The following GALNT10 variants were observed in gnomAD, a reference collection of about 807,000 sequenced individuals.
GALNT10 encodes the protein polypeptide N-acetylgalactosaminyltransferase 10.
A neutral mutation model predicts 75.0 loss-of-function variants in GALNT10; 41 were observed. The ratio of observed to expected loss-of-function variants is 0.55; its 90% confidence interval spans 0.43 to 0.71. The LOEUF (loss-of-function observed/expected upper bound fraction) is 0.71, where lower values mean the gene tolerates loss of function less well. Ranked by LOEUF, GALNT10 falls within the 30% of genes least tolerant of loss-of-function variation. The pLI, the probability that GALNT10 is intolerant of heterozygous loss-of-function variation, is 0.00. For synonymous variants in GALNT10, 302 were observed against 313.0 expected (o/e 0.96, Z 0.37); for missense variants, 727 against 818.5 (o/e 0.89, Z 1.36).
chr5:154,283,270 C>T (rs1754065448), intron 1 of GALNT10, among the ~76,000 whole-genome samples: 1 of 129,576 alleles, frequency 7.7e-6, no homozygotes, highest in African/African-American at 3.0e-5. Flanking sequence ...ATAATAAGAC[C>T]TCGTCTGTAA....
At position 154,416,774 on chromosome 5, in the gene GALNT10, T is replaced by A. The variant is rs1009193583; in HGVS notation, c.1654-40T>A. On this transcript the variant is annotated intron_variant, in intron 11 of 11. Coordinates refer to ENST00000297107, the MANE Select transcript of GALNT10 (RefSeq NM_198321.4). This position sits in a 1 kb window ranked among gnomAD's most constrained non-coding sequence, Gnocchi z 4.5. ...TTGCTGTGGTTTGACTGGCCACATG[T>A]CTCCAGTGCTGTCTGGCTTATTACC... 6.7e-7 allele frequency: 1 copy of A among 1,498,710 alleles called. No homozygotes were observed. The highest frequency in any genetic ancestry group is 9.3e-7 in the Non-Finnish European group (1 of 1,076,802). The allele number at this position is 1,498,710 out of a possible 1,614,324, so 92.8% of individuals were successfully genotyped here.
At chr5:154,313,145 C>T (rs781649545) in intron 3 of GALNT10, among the ~76,000 whole-genome samples, 19 of 151,908 alleles carry the variant, frequency 1.3e-4, no homozygotes, top group African/African-American at 4.1e-4. Context: ...CACATCTCTA[C>T]GAAAAATACA....
chr5:154,293,613 A>ATATTTTTTTTTTTTTTTTTTTTTTT, intron 1 of GALNT10, among the ~76,000 whole-genome samples: 1 of 109,360 alleles, frequency 9.1e-6, no homozygotes, highest in African/African-American at 4.2e-5. Flanking sequence ...ATATATATAT[A>ATATTTTTTTTTTTTTTTTTTTTTTT]TTTTTTTTTT....
intron 7 of GALNT10, among the ~76,000 whole-genome samples, chr5:154,394,795 T>G (rs746049408): frequency 2.6e-5 from 4 of 152,244 alleles, no homozygotes; most frequent in Non-Finnish European, 5.9e-5. Flanking sequence ...ACCCTCTGCC[T>G]CGGACAGCTG....
chr5:154,279,297 TTG>T (rs1491017276), intron 1 of GALNT10, among the ~76,000 whole-genome samples: 1 of 64,958 alleles, frequency 1.5e-5, no homozygotes, highest in Non-Finnish European at 3.8e-5. Context: ...GTTGTTGTTG[TTG>T]TTTTGTTTTT....
At chr5:154,246,569 G>A (rs2113671466) in intron 1 of GALNT10, among the ~76,000 whole-genome samples, 1 of 152,322 alleles carries the variant, frequency 6.6e-6, no homozygotes, top group African/African-American at 2.4e-5. Flanking sequence ...GTGATGATGA[G>A]CATTTTTTAA....
chr5:154,215,513 AG>A (rs1174266852), intron 1 of GALNT10, among the ~76,000 whole-genome samples: 12 of 152,228 alleles, frequency 7.9e-5, no homozygotes, highest in African/African-American at 2.9e-4. Context: ...AAAACAAAAA[AG>A]GTGTTATCTA....
chr5:154,203,504 C>T (rs1420178709), intron 1 of GALNT10, among the ~76,000 whole-genome samples: 1 of 152,168 alleles, frequency 6.6e-6, no homozygotes, highest in East Asian at 1.9e-4. Context: ...TCTGCCATGG[C>T]TCAGGGGTGA....
chr5:154,250,162 G>A lies in GALNT10; in HGVS notation c.160-44654G>A, dbSNP rs144669028. ...AAGTGGTAAACTTAAACTGGCTGCT[G>A]CAGCCCCCTATGTGTTTCTGTGGAA... On this transcript the variant is annotated intron_variant, in intron 1 of 11. Transcript: ENST00000297107. Among the ~76,000 whole-genome samples the A allele has an allele frequency of 5.5e-3, 843 of 152,312 alleles. 5 individuals carry two copies. The highest frequency in any genetic ancestry group is 0.02 in the African/African-American group (819 of 41,566).
rs1395963489 is a variant in GALNT10, at chr5:154,329,658, G to T, written c.488G>T (p.Arg163Leu). 1.2e-6 allele frequency: 2 copies of T among 1,612,822 alleles called. No homozygotes were observed. Among genetic ancestry groups the T allele is most frequent in the Admixed American group, 1.7e-5 (1 of 60,004 alleles). ...FHNEGWSSLL[R>L]TVHSVLNRSP... Reference sequence around the variant, plus strand: ...AACGAGGGCTGGTCCTCCCTCCTCCGCACCGTCCACAGTGTGCTCAATCGC... The same window carrying T: ...AACGAGGGCTGGTCCTCCCTCCTCCTCACCGTCCACAGTGTGCTCAATCGC... Residue 163 changes from arginine (R) to leucine (L), a missense_variant, in exon 4 of 12, where the codon CGC becomes CTC. Physicochemically the swap from Arg to Leu is moderately radical, Grantham distance 102. Coordinates refer to ENST00000297107, the MANE Select transcript of GALNT10 (RefSeq NM_198321.4).
chr5:154,240,766 C>G (rs1377502472), intron 1 of GALNT10, among the ~76,000 whole-genome samples: 2 of 152,108 alleles, frequency 1.3e-5, no homozygotes, highest in African/African-American at 4.8e-5. Flanking sequence ...AAATTCAAGG[C>G]CAGGTACACA....
At chr5:154,404,265 C>T in intron 8 of GALNT10, 54 bp downstream of exon 8, 3 of 1,085,434 alleles carry the variant, frequency 2.8e-6, no homozygotes, top group South Asian at 1.6e-5. Context: ...GGACCATCAG[C>T]TGCACTGAGG....
intron 7 of GALNT10, chr5:154,393,067 A>AAAACACAC (rs70978538): frequency 4.3e-5 from 5 of 116,558 alleles, no homozygotes. Flanking sequence ...CAAAAAAAAA[A>AAAACACAC]AAAAAAAAAA....
intron 1 of GALNT10, among the ~76,000 whole-genome samples, chr5:154,239,075 C>A (rs1402016272): frequency 6.6e-6 from 1 of 152,230 alleles, no homozygotes; most frequent in Non-Finnish European, 1.5e-5. Flanking sequence ...CTCTTTACCT[C>A]ACCATTCAGT....
At chr5:154,390,909 C>T (rs1016219429) in intron 7 of GALNT10, among the ~76,000 whole-genome samples, 4 of 152,172 alleles carry the variant, frequency 2.6e-5, no homozygotes, top group Non-Finnish European at 2.9e-5. Context: ...GTATCTCATC[C>T]GGGAGGGGGA....
chr5:154,271,878 G>C lies in GALNT10; in HGVS notation c.160-22938G>C, dbSNP rs142295422. Among the ~76,000 whole-genome samples, 259 of 152,338 alleles carry C rather than the reference G, an allele frequency of 1.7e-3. 1 individual carries two copies. The highest frequency in any genetic ancestry group is 3.4e-3 in the Middle Eastern group (1 of 294). On this transcript the variant is annotated intron_variant, in intron 1 of 11. Transcript: ENST00000297107. Reference sequence around the variant, plus strand: ...GCTTTCCTCCCTACCTCCAGCTGCTGCTCTGCCTCCTTCCTGCATAATTTT... The same window carrying C: ...GCTTTCCTCCCTACCTCCAGCTGCTCCTCTGCCTCCTTCCTGCATAATTTT...
intron 1 of GALNT10, among the ~76,000 whole-genome samples, chr5:154,285,913 A>G (rs749438538): frequency 3.3e-5 from 5 of 152,178 alleles, no homozygotes; most frequent in East Asian, 1.9e-4. Context: ...AGGCCCTCCT[A>G]TGATTCATGT....
At chr5:154,343,531 C>T (rs929509315) in intron 4 of GALNT10, among the ~76,000 whole-genome samples, 1 of 152,158 alleles carries the variant, frequency 6.6e-6, no homozygotes, top group African/African-American at 2.4e-5. Flanking sequence ...CTCTAAATTA[C>T]CATAATCACC....
At chr5:154,197,906 C>T (rs915059328) in intron 1 of GALNT10, among the ~76,000 whole-genome samples, 1 of 152,144 alleles carries the variant, frequency 6.6e-6, no homozygotes, top group African/African-American at 2.4e-5. Flanking sequence ...GAACTCTGAC[C>T]TAGTGCTGAG....
Sources: gnomAD v4.1 joint callset for allele counts (sites outside exome capture counted in the v4.1 genomes callset) on GRCh38, gnomAD v4.1.1 for gene constraint, Gnocchi (gnomAD v3.1) non-coding constraint, MANE v1.5 for transcripts, NCBI Gene and HGNC (gene_info 2026-07-23, HGNC 2026-07-21) for gene names.